Variants in PIK3R2 observed in about 807,000 individuals in gnomAD.
The protein encoded by PIK3R2 is phosphoinositide-3-kinase regulatory subunit 2, also known as phosphatidylinositol 3-kinase regulatory subunit beta.
A neutral mutation model predicts 78.5 loss-of-function variants in PIK3R2; 40 were observed. The observed-to-expected ratio is 0.51, with a 90% CI of 0.40 to 0.66. PIK3R2 has a LOEUF of 0.66. Among genes scored for constraint, PIK3R2 ranks in the 30% least tolerant of loss-of-function variants. The pLI is 0.00. For synonymous variants in PIK3R2, 473 were observed against 457.7 expected, an observed-to-expected ratio of 1.03 and a Z score of -0.43; for missense variants, 880 against 1,026.6, an observed-to-expected ratio of 0.86 and a Z score of 1.95.
chr19:18,169,332 C>T lies in PIK3R2; in HGVS notation c.*38C>T. On this transcript the variant is annotated 3_prime_UTR_variant, in exon 16 of 16. Transcript: ENST00000222254. ...CGCCCCAAGCAGAGCCGCCCCTGGGCCCGTCTGCGCCGGAGGCTGCGGCGG... is the reference window on the plus strand; with the variant it reads ...CGCCCCAAGCAGAGCCGCCCCTGGGTCCGTCTGCGCCGGAGGCTGCGGCGG... 17 of 1,252,720 alleles carry T rather than the reference C, an allele frequency of 1.4e-5. No individual in the cohort carries two copies. Among genetic ancestry groups the T allele is most frequent in the Non-Finnish European group, 1.7e-5 (17 of 980,504 alleles). 77.6% of individuals were successfully genotyped at this position (1,252,720 alleles called of 1,614,324 possible).
intron 2 of PIK3R2, among the ~76,000 whole-genome samples, chr19:18,159,144 C>CTTTTCTTTTTTTTTTT (rs2043713048): frequency 2.0e-5 from 1 of 50,054 alleles, no homozygotes; most frequent in African/African-American, 7.9e-5. Flanking sequence ...GCCTGGCCTC[C>CTTTTCTTTTTTTTTTT]TTTTTTTTTT....
rs201029925 is a variant in PIK3R2 at position 18,169,275 on chromosome 19, C to T, written c.2168C>T (p.Pro723Leu). Reference sequence around the variant, plus strand: ...CCAGTGCGCGCCCCGGGCCCCGGCCCGCCGCCTGCCGCCCGCTGAGCACCG... The same window carrying T: ...CCAGTGCGCGCCCCGGGCCCCGGCCTGCCGCCTGCCGCCCGCTGAGCACCG... Reference protein sequence around the residue: ...AHPVRAPGPGPPPAAR With the variant: ...AHPVRAPGPGLPPAAR Residue 723 changes from proline (P) to leucine (L), a missense_variant, in exon 16 of 16, where the codon CCG becomes CTG. Transcript: ENST00000222254. The T allele has an allele frequency of 3.2e-4, 487 of 1,507,482 alleles. No homozygotes were observed. Among genetic ancestry groups the T allele is most frequent in the Non-Finnish European group, 3.9e-4 (440 of 1,134,494 alleles). The allele number at this position is 1,507,482 out of a possible 1,614,324, so 93.4% of individuals were successfully genotyped here. A position where few individuals can be genotyped will look rare whatever the true frequency, so the allele number is the denominator to read the frequency against.
At chr19:18,153,448 G>A (rs1320459280) in intron 1 of PIK3R2, among the ~76,000 whole-genome samples, 154 bp downstream of exon 1, 1 of 152,208 alleles carries the variant, frequency 6.6e-6, no homozygotes, top group Non-Finnish European at 1.5e-5. Flanking sequence ...GGCAAGGGGG[G>A]GCCTCGGGCT....
At position 18,167,352 on chromosome 19, in the gene PIK3R2, G is replaced by A; in HGVS notation, c.1736+46G>A. The A allele has an allele frequency of 6.8e-7, 1 of 1,472,082 alleles. No homozygotes were observed. The highest frequency in any genetic ancestry group is 9.2e-7 in the Non-Finnish European group (1 of 1,091,680). The allele number at this position is 1,472,082 out of a possible 1,614,324, so 91.2% of individuals were successfully genotyped here. A position where few individuals can be genotyped will look rare whatever the true frequency, so the allele number is the denominator to read the frequency against. On this transcript the variant is annotated intron_variant, in intron 13 of 15. Transcript: ENST00000222254. This position sits in a 1 kb window ranked among gnomAD's most constrained non-coding sequence, Gnocchi z 4.5. ...TCCCTGCGGCTCCCTGGCGACTGCT[G>A]CGGCACATGGAGATCTCTCTAGGAG...
rs978198551 is a variant in PIK3R2 at position 18,161,584 on chromosome 19, C to G, written c.815+89C>G. 2.0e-6 allele frequency: 1 copy of G among 491,556 alleles called. No individual in the cohort carries two copies. Among genetic ancestry groups the G allele is most frequent in the Non-Finnish European group, 3.2e-6 (1 of 314,870 alleles). The allele number at this position is 491,556 out of a possible 1,614,324, so 30.4% of individuals were successfully genotyped here. On this transcript the variant is annotated intron_variant, in intron 6 of 15. Transcript: ENST00000222254. The surrounding 1 kb of genome is among the most constrained non-coding windows in gnomAD (Gnocchi z 5.3). ...GGCCAGAGTGAGCGGCGTCTAGACC[C>G]TAAGAAGGGAGGGGATGGGGTCCAG...
chr19:18,161,037 C>T lies in PIK3R2; in HGVS notation c.467-17C>T, dbSNP rs373288144. 148 of 1,610,480 alleles carry T rather than the reference C, an allele frequency of 9.2e-5. No individual in the cohort carries two copies. Among genetic ancestry groups the T allele is most frequent in the Non-Finnish European group, 1.2e-4 (139 of 1,178,926 alleles). Reference sequence around the variant, plus strand: ...CCAGTACACATGAGTTGGACGTGTGCCCCCCTGCACCCGCAGACTGGTCCC... The same window carrying T: ...CCAGTACACATGAGTTGGACGTGTGTCCCCCTGCACCCGCAGACTGGTCCC... On this transcript the variant is annotated splice_polypyrimidine_tract_variant and intron_variant, in intron 4 of 15. Transcript: ENST00000222254. The surrounding 1 kb of genome is among the most constrained non-coding windows in gnomAD (Gnocchi z 5.3).
rs778986788 is a variant in PIK3R2 at position 18,156,276 on chromosome 19, G to A, written c.322+75G>A. On this transcript the variant is annotated intron_variant, in intron 2 of 15. Coordinates refer to ENST00000222254, the MANE Select transcript of PIK3R2 (RefSeq NM_005027.4). The surrounding 1 kb of genome is among the most constrained non-coding windows in gnomAD (Gnocchi z 4.2). ...TTGGTCTCCTCTTCTGTCCAGTGAG[G>A]CAATGGGATCTCCAAGGAAGGAGGA... 22 of 1,153,034 alleles carry A rather than the reference G, an allele frequency of 1.9e-5. No individual in the cohort carries two copies. Among genetic ancestry groups the A allele is most frequent in the Admixed American group, 3.0e-5 (1 of 33,826 alleles). 71.4% of individuals were successfully genotyped at this position (1,153,034 alleles called of 1,614,324 possible). A position where few individuals can be genotyped will look rare whatever the true frequency, so the allele number is the denominator to read the frequency against.
chr19:18,154,977 G>T (rs927408937), intron 1 of PIK3R2, among the ~76,000 whole-genome samples: 3 of 151,824 alleles, frequency 2.0e-5, no homozygotes, highest in African/African-American at 7.3e-5. Context: ...ACTTTGGGAG[G>T]CCAAGGCGAG....
rs1408215600 is a variant in PIK3R2, at chr19:18,166,249, C to T, written c.1506C>T (p.Ser502=). The change falls in exon 12 of 16, where the codon AGC becomes AGT. Residue 502 remains serine (S), a synonymous_variant. Transcript: ENST00000222254. Reference sequence around the variant, plus strand: ...AGGGCCAGACTCAAGAGAAATGCAGCAAGGAATACCTGGAGCGCTTCCGGC... The same window carrying T: ...AGGGCCAGACTCAAGAGAAATGCAGTAAGGAATACCTGGAGCGCTTCCGGC... ...EEQGQTQEKC[S]KEYLERFRRE... 2 of 1,614,020 alleles carry T rather than the reference C, an allele frequency of 1.2e-6. No individual in the cohort carries two copies. The highest frequency in any genetic ancestry group is 1.7e-6 in the Non-Finnish European group (2 of 1,180,026).
Position 18,170,297 on chromosome 19 carries a change from A to G in PIK3R2, c.*1003A>G, listed in dbSNP as rs1445543161. On this transcript the variant is annotated 3_prime_UTR_variant, in exon 16 of 16. Transcript: ENST00000222254. ...CGTACTGGTGCCGCCGCAGTGGCCA[A>G]GTTGCGACACTGCCCACGGCCCCTC... The G allele has an allele frequency of 6.6e-6, 1 of 152,260 alleles. No homozygotes were observed. The highest frequency in any genetic ancestry group is 6.5e-5 in the Admixed American group (1 of 15,280). 9.4% of individuals were successfully genotyped at this position (152,260 alleles called of 1,614,324 possible).
At chr19:18,158,040 C>A (rs1599965944) in intron 2 of PIK3R2, among the ~76,000 whole-genome samples, 1 of 152,228 alleles carries the variant, frequency 6.6e-6, no homozygotes, top group East Asian at 1.9e-4. Flanking sequence ...CAATAATTTT[C>A]TTTCTTTTCT....
chr19:18,157,883 C>T (rs921469110), intron 2 of PIK3R2, among the ~76,000 whole-genome samples: 7 of 152,176 alleles, frequency 4.6e-5, no homozygotes, highest in African/African-American at 7.2e-5. Context: ...AGAGCAGCGT[C>T]CAATGGTGGC....
Position 18,162,010 on chromosome 19 carries a change from T to A in PIK3R2, c.860T>A (p.Leu287Gln). ...TTCCCGGCGCTGCTGGTGGAGAAGC[T>A]GCTTCAGGAACACTTGGAAGAGCAG... ...PDFPALLVEKLLQEHLEEQEV... is the reference protein window; with the variant it reads ...PDFPALLVEKQLQEHLEEQEV... Residue 287 changes from leucine to glutamine, a missense_variant, in exon 7 of 16, where the codon CTG becomes CAG. By Grantham distance (113) the Leu-to-Gln change is moderately radical. Coordinates refer to ENST00000222254, the MANE Select transcript of PIK3R2 (RefSeq NM_005027.4). 1 of 1,614,042 alleles carries A rather than the reference T, an allele frequency of 6.2e-7. No individual in the cohort carries two copies. Among genetic ancestry groups the A allele is most frequent in the Non-Finnish European group, 8.5e-7 (1 of 1,179,982 alleles).
In PIK3R2 at chr19:18,161,214, G is replaced by A. The variant is rs762039260; in HGVS notation, c.598+29G>A. 5.9e-6 allele frequency: 9 copies of A among 1,534,752 alleles called. No homozygotes were observed. The South Asian group carries it at 1.1e-4, about 19-fold the overall frequency. ...AGCCTGGCGGGTAGCCCGGGGGAAG[G>A]AGGGGGCTGTAGCGGGTGGGAGGGC... is the stretch of plus-strand genomic sequence containing the variant. On this transcript the variant is annotated intron_variant, in intron 5 of 15. Transcript: ENST00000222254. The surrounding 1 kb of genome is among the most constrained non-coding windows in gnomAD (Gnocchi z 5.3).
Position 18,155,521 on chromosome 19 carries a change from G to C in PIK3R2, c.-359G>C. On this transcript the variant is annotated 5_prime_UTR_variant, in exon 2 of 16. Coordinates refer to ENST00000222254, the MANE Select transcript of PIK3R2 (RefSeq NM_005027.4). ...ACCCTTGGCTCCCTTGTCTGGTGCA[G>C]CCAGCAGAGCCGCCAGCCTTGGGCG... 2.3e-6 allele frequency: 1 copy of C among 441,530 alleles called. No homozygotes were observed. The highest frequency in any genetic ancestry group is 4.2e-5 in the Admixed American group (1 of 24,090). 27.4% of individuals were successfully genotyped at this position (441,530 alleles called of 1,614,324 possible).
rs1246243360 is a variant in PIK3R2 at position 18,163,529 on chromosome 19, G to C, written c.1416+141G>C. ...GAGCAGGCACTTAGCACCAAGGGCTGTTCTAAAAACATAGAAATAAGGCCA... is the reference window on the plus strand; with the variant it reads ...GAGCAGGCACTTAGCACCAAGGGCTCTTCTAAAAACATAGAAATAAGGCCA... On this transcript the variant is annotated intron_variant, in intron 11 of 15. Transcript: ENST00000222254. 4.7e-6 allele frequency: 4 copies of C among 854,462 alleles called. No individual in the cohort carries two copies. The East Asian group carries it at 8.0e-5, about 17-fold the overall frequency. 52.9% of individuals were successfully genotyped at this position (854,462 alleles called of 1,614,324 possible). A position where few individuals can be genotyped will look rare whatever the true frequency, so the allele number is the denominator to read the frequency against.
chr19:18,160,906 C>A lies in PIK3R2; in HGVS notation c.416-13C>A. Reference sequence around the variant, plus strand: ...CATTTGAGAGCTGACTCGCCTGTCCCCTTCACCCCCAGGGCTGGACAGCGA... The same window carrying A: ...CATTTGAGAGCTGACTCGCCTGTCCACTTCACCCCCAGGGCTGGACAGCGA... On this transcript the variant is annotated splice_polypyrimidine_tract_variant and intron_variant, in intron 3 of 15. Coordinates refer to ENST00000222254, the MANE Select transcript of PIK3R2 (RefSeq NM_005027.4). 6.2e-7 allele frequency: 1 copy of A among 1,602,922 alleles called. No homozygotes were observed. Among genetic ancestry groups the A allele is most frequent in the East Asian group, 2.3e-5 (1 of 44,400 alleles).
At position 18,155,907 on chromosome 19, in the gene PIK3R2, C is replaced by T. The variant is rs765334654; in HGVS notation, c.28C>T (p.Arg10Cys). Reference sequence around the variant, plus strand: ...GGCGGGCCCTGAGGGCTTCCAGTACCGCGCTCTGTACCCGTTCCGCCGGGA... The same window carrying T: ...GGCGGGCCCTGAGGGCTTCCAGTACTGCGCTCTGTACCCGTTCCGCCGGGA... The part of the protein sequence containing the change: MAGPEGFQY[R>C]ALYPFRRERP... Residue 10 changes from arginine (R) to cysteine (C), a missense_variant, in exon 2 of 16, where the codon CGC becomes TGC. Physicochemically the swap from Arg to Cys is radical, Grantham distance 180. Transcript: ENST00000222254. 8.3e-6 allele frequency: 13 copies of T among 1,561,872 alleles called. No homozygotes were observed. Among genetic ancestry groups the T allele is most frequent in the East Asian group, 2.4e-5 (1 of 41,804 alleles).
In PIK3R2 at chr19:18,167,692, T is replaced by C. The variant is rs1008469475; in HGVS notation, c.1736+386T>C. On this transcript the variant is annotated intron_variant, in intron 13 of 15. Coordinates refer to ENST00000222254, the MANE Select transcript of PIK3R2 (RefSeq NM_005027.4). The surrounding 1 kb of genome is among the most constrained non-coding windows in gnomAD (Gnocchi z 4.5). ...GGCCAACATGGTGAAACCCCGTCTC[T>C]ACTAAAAATAAAAAATACAAAACCC... Among the ~76,000 whole-genome samples, 1 of 151,912 alleles carries C rather than the reference T, an allele frequency of 6.6e-6. No homozygotes were observed. The highest frequency in any genetic ancestry group is 1.5e-5 in the Non-Finnish European group (1 of 67,980).
Sources: allele counts gnomAD v4.1 joint callset (sites outside exome capture counted in the v4.1 genomes callset), GRCh38; gene constraint gnomAD v4.1.1; non-coding constraint Gnocchi (gnomAD v3.1); transcripts MANE v1.5; gene names NCBI Gene and HGNC (gene_info 2026-07-23, HGNC 2026-07-21).